Variants in APC observed in about 807,000 individuals in gnomAD.
APC encodes adenomatous polyposis coli protein.
APC carries 72 observed loss-of-function variants against 247.0 expected under a neutral mutation model. The observed-to-expected ratio is 0.29, with a 90% CI of 0.24 to 0.35. The LOEUF (loss-of-function observed/expected upper bound fraction) is 0.35, where lower values mean the gene tolerates loss of function less well. Among genes scored for constraint, APC ranks in the 10% least tolerant of loss-of-function variants. The probability of loss-of-function intolerance (pLI) is 1.00; values close to 1 mark genes in which losing one functional copy is unlikely to be tolerated. For synonymous variants in APC, 1,254 were observed against 1,162.5 expected, an observed-to-expected ratio of 1.08 and a Z score of -1.60; for missense variants, 3,400 against 3,360.7, an observed-to-expected ratio of 1.01 and a Z score of -0.29.
chr5:112,818,850 G>GA, intron 9 of APC, 116 bp from the exon 10 acceptor site: 1 of 1,066,034 alleles, frequency 9.4e-7, no homozygotes, highest in Non-Finnish European at 1.4e-6. Flanking sequence ...TTTTTGGCGG[G>GA]GGGGGTTGTT....
intron 1 of APC, among the ~76,000 whole-genome samples, chr5:112,728,571 A>G (rs1561410656): frequency 1.3e-5 from 2 of 152,218 alleles, no homozygotes; most frequent in South Asian, 4.1e-4. Context: ...TTAGAAAAAT[A>G]AAGTTCTTAC....
chr5:112,824,898 T>C (rs141068136), intron 11 of APC, among the ~76,000 whole-genome samples: 2 of 152,144 alleles, frequency 1.3e-5, no homozygotes, highest in Non-Finnish European at 2.9e-5. Flanking sequence ...TTTCTCTCTA[T>C]GCTTCTGTTA....
chr5:112,775,366 A>G lies in APC; in HGVS notation c.423-263A>G, dbSNP rs145814380. 2.3e-3 allele frequency among the ~76,000 whole-genome samples: 347 copies of G among 152,282 alleles called. 2 individuals carry two copies. The highest frequency in any genetic ancestry group is 8.0e-3 in the African/African-American group (334 of 41,580). ...ATTCTTAGACTATAAATATGAAGAAAGCCTTTGGTGAAGTGTAAGTATTCT... is the reference window on the plus strand; with the variant it reads ...ATTCTTAGACTATAAATATGAAGAAGGCCTTTGGTGAAGTGTAAGTATTCT... On this transcript the variant is annotated intron_variant, in intron 4 of 15. Transcript: ENST00000257430.
intron 8 of APC, among the ~76,000 whole-genome samples, chr5:112,805,657 C>A (rs1425953579): frequency 1.3e-5 from 2 of 152,168 alleles, no homozygotes; most frequent in Non-Finnish European, 2.9e-5. Flanking sequence ...TAAATAGGAT[C>A]TATACACATG....
At position 112,838,121 on chromosome 5, in the gene APC, AGTTCTC is replaced by A; in HGVS notation, c.2533_2538del (p.Arg845_Ser846del). ...CTCTTCATCAAGAGGAAGCTTAGAT[AGTTCTC>A]GTTCTGAAAAAGATAGAAGTTTGGA... is the stretch of plus-strand genomic sequence containing the variant. On this transcript the variant is annotated inframe_deletion, in exon 16 of 16. Transcript: ENST00000257430. 6.2e-7 allele frequency: 1 copy of A among 1,614,216 alleles called. No homozygotes were observed. The highest frequency in any genetic ancestry group is 8.5e-7 in the Non-Finnish European group (1 of 1,180,032).
At chr5:112,772,916 C>T (rs926262341) in intron 4 of APC, among the ~76,000 whole-genome samples, 1 of 152,172 alleles carries the variant, frequency 6.6e-6, no homozygotes, top group Admixed American at 6.5e-5. Flanking sequence ...CCTGGTAGGT[C>T]CTGCAGGTCC....
intron 1 of APC, among the ~76,000 whole-genome samples, chr5:112,728,540 C>T (rs146414152): frequency 1.5e-3 from 234 of 152,178 alleles, no homozygotes; most frequent in Non-Finnish European, 2.9e-3. Flanking sequence ...AAGTTTTAAC[C>T]GATTAGGACA....
rs1462290554 is a variant in APC at position 112,840,767 on chromosome 5, G to A, written c.5173G>A (p.Ala1725Thr). ...DNKAEEGDILAECINSAMPKG... is the reference protein window; with the variant it reads ...DNKAEEGDILTECINSAMPKG... The stretch of plus-strand genomic sequence containing the variant: ...TAAAGCAGAGGAAGGTGATATTCTT[G>A]CAGAATGCATTAATTCTGCTATGCC... Residue 1725 changes from alanine to threonine, a missense_variant, in exon 16 of 16, where the codon GCA becomes ACA. Coordinates refer to ENST00000257430, the MANE Select transcript of APC (RefSeq NM_000038.6). The surrounding 1 kb of genome is among the most constrained non-coding windows in gnomAD (Gnocchi z 4.1). The A allele has an allele frequency of 6.2e-7, 1 of 1,613,988 alleles. No individual in the cohort carries two copies. Among genetic ancestry groups the A allele is most frequent in the South Asian group, 1.1e-5 (1 of 91,068 alleles).
At chr5:112,832,002 A>G (rs546933764) in intron 14 of APC, among the ~76,000 whole-genome samples, 12 of 152,090 alleles carry the variant, frequency 7.9e-5, no homozygotes, top group African/African-American at 2.4e-4. Flanking sequence ...TTCTGACACA[A>G]CCCTTCTCCT....
In APC at chr5:112,822,555, A is replaced by T. The variant is rs533127053; in HGVS notation, c.1408+564A>T. Reference sequence around the variant, plus strand: ...ATAACTTTGGAATGATTACTTCTTTAGGTATGTATTTTCACACACTAAGCC... The same window carrying T: ...ATAACTTTGGAATGATTACTTCTTTTGGTATGTATTTTCACACACTAAGCC... On this transcript the variant is annotated intron_variant, in intron 11 of 15. Coordinates refer to ENST00000257430, the MANE Select transcript of APC (RefSeq NM_000038.6). 7.2e-5 allele frequency among the ~76,000 whole-genome samples: 11 copies of T among 152,350 alleles called. No homozygotes were observed. The East Asian group carries it at 1.9e-3, about 27-fold the overall frequency.
intron 7 of APC, among the ~76,000 whole-genome samples, chr5:112,797,134 A>G (rs951230577): frequency 2.6e-5 from 4 of 152,174 alleles, no homozygotes; most frequent in African/African-American, 9.7e-5. Flanking sequence ...GTCTGCTACT[A>G]TGATCCAACC....
At chr5:112,815,406 A>G in intron 8 of APC, 89 bp from the exon 9 acceptor site, 2 of 915,026 alleles carry the variant, frequency 2.2e-6, no homozygotes, top group Non-Finnish European at 1.8e-6. Flanking sequence ...TTTATCATAC[A>G]GACACTTCAT....
Position 112,845,734 on chromosome 5 carries a change from A to C in APC, c.*1608A>C, listed in dbSNP as rs950432516. On this transcript the variant is annotated 3_prime_UTR_variant, in exon 16 of 16. Coordinates refer to ENST00000257430, the MANE Select transcript of APC (RefSeq NM_000038.6). The stretch of plus-strand genomic sequence containing the variant: ...CCTGAAGGAAAATAAACTGACACTT[A>C]TTAACTAAGATAATTTACTTAATAT... 4.3e-6 allele frequency: 1 copy of C among 232,022 alleles called. No homozygotes were observed. The highest frequency in any genetic ancestry group is 2.2e-5 in the African/African-American group (1 of 45,270). 14.4% of individuals were successfully genotyped at this position (232,022 alleles called of 1,614,324 possible).
chr5:112,712,320 C>G (rs1391827572), intron 1 of APC, among the ~76,000 whole-genome samples: 1 of 152,166 alleles, frequency 6.6e-6, no homozygotes, highest in Non-Finnish European at 1.5e-5. Flanking sequence ...CTAAGTTTAA[C>G]TCATACTAAA....
At chr5:112,780,107 A>C (rs1758159906) in intron 5 of APC, among the ~76,000 whole-genome samples, 1 of 152,190 alleles carries the variant, frequency 6.6e-6, no homozygotes, top group Non-Finnish European at 1.5e-5. Flanking sequence ...CTTGGCAGTT[A>C]TCACAGTCCT....
chr5:112,754,392 C>T (rs1167063778), intron 1 of APC, among the ~76,000 whole-genome samples: 1 of 152,116 alleles, frequency 6.6e-6, no homozygotes, highest in Non-Finnish European at 1.5e-5. Flanking sequence ...TAAGATTAGC[C>T]TTTTATCAAA....
intron 6 of APC, among the ~76,000 whole-genome samples, chr5:112,792,023 G>A (rs1268278353): frequency 3.9e-5 from 6 of 152,026 alleles, no homozygotes; most frequent in Admixed American, 2.6e-4. Flanking sequence ...CGAGGCAGGC[G>A]GATCACAAGG....
chr5:112,749,359 A>T (rs1754037606), intron 1 of APC, among the ~76,000 whole-genome samples: 1 of 152,068 alleles, frequency 6.6e-6, no homozygotes, highest in South Asian at 2.1e-4. Flanking sequence ...AAGCATTTGT[A>T]TAAGATTGGA....
intron 1 of APC, among the ~76,000 whole-genome samples, chr5:112,747,049 A>C (rs1214597254): frequency 2.0e-5 from 3 of 152,182 alleles, no homozygotes; most frequent in Non-Finnish European, 4.4e-5. Context: ...GCATTACCCA[A>C]GCTGGTCTCA....
Sources: gnomAD v4.1 joint callset for allele counts (sites outside exome capture counted in the v4.1 genomes callset) on GRCh38, gnomAD v4.1.1 for gene constraint, Gnocchi (gnomAD v3.1) non-coding constraint, MANE v1.5 for transcripts, NCBI Gene and HGNC (gene_info 2026-07-23, HGNC 2026-07-21) for gene names.